RGS3: variants seen among roughly 807,000 people sequenced by gnomAD.
RGS3 encodes regulator of G-protein signalling 3.
In RGS3, 80 loss-of-function variants were observed where a neutral mutation model predicts 132.6. That is an observed-to-expected ratio of 0.60 (90% CI 0.50 to 0.73). The LOEUF is 0.73. Among genes scored for constraint, RGS3 ranks in the 30% least tolerant of loss-of-function variants. The pLI, the probability that RGS3 is intolerant of heterozygous loss-of-function variation, is 0.00. For synonymous variants in RGS3, 598 were observed against 620.6 expected, an observed-to-expected ratio of 0.96 and a Z score of 0.54; for missense variants, 1,382 against 1,530.8, an observed-to-expected ratio of 0.90 and a Z score of 1.62.
rs868039253 is a variant in RGS3 at position 113,565,909 on chromosome 9, G to A, written c.2038-17541G>A. On this transcript the variant is annotated intron_variant, in intron 19 of 24. Transcript: ENST00000350696. The surrounding 1 kb of genome is among the most constrained non-coding windows in gnomAD (Gnocchi z 5.7). ...TGTGTGTGTGTGTGTGTGTGTGTGTGTGTGTGTCTGTCTGTCTGTCTGTCT... is the reference window on the plus strand; with the variant it reads ...TGTGTGTGTGTGTGTGTGTGTGTGTATGTGTGTCTGTCTGTCTGTCTGTCT... Among the ~76,000 whole-genome samples the A allele has an allele frequency of 6.8e-6, 1 of 146,824 alleles. No individual in the cohort carries two copies. Among genetic ancestry groups the A allele is most frequent in the South Asian group, 2.2e-4 (1 of 4,610 alleles).
chr9:113,523,123 T>A (rs1393559150), intron 17 of RGS3, 82 bp downstream of exon 15: 1 of 911,376 alleles, frequency 1.1e-6, no homozygotes, highest in African/African-American at 1.6e-5. Context: ...GGGATCTGGC[T>A]GCCAGTCATC....
At chr9:113,485,714 G>A (rs56038206) in intron 7 of RGS3, 21 bp downstream of exon 5, 49,259 of 1,565,176 alleles carry the variant, frequency 0.031, 926 homozygotes, top group Non-Finnish European at 0.037. Flanking sequence ...CTGCTGAGCT[G>A]GAGGGGGACT....
chr9:113,491,514 G>A (rs1424490641), intron 7 of RGS3, among the ~76,000 whole-genome samples: 1 of 151,792 alleles, frequency 6.6e-6, no homozygotes, highest in African/African-American at 2.4e-5. Flanking sequence ...GCCTCCCAAA[G>A]TGCTGACATT....
At chr9:113,470,397 G>C (rs1161387498) in intron 3 of RGS3, among the ~76,000 whole-genome samples, 1 of 152,112 alleles carries the variant, frequency 6.6e-6, no homozygotes, top group East Asian at 1.9e-4. Context: ...TTGCAGTTCT[G>C]TCAGTTTTTC....
intron 18 of RGS3, among the ~76,000 whole-genome samples, chr9:113,531,779 G>C (rs1174248215): frequency 6.6e-6 from 1 of 152,104 alleles, no homozygotes; most frequent in Non-Finnish European, 1.5e-5. Context: ...TAACCTCTCT[G>C]AGCCTTAGTT....
At chr9:113,514,525 A>G (rs376727764) in exon 15 of RGS3, 1 of 1,614,228 alleles carries the variant, frequency 6.2e-7, no homozygotes. Flanking sequence ...TGATGAAGAC[A>G]GTGCAGACCA....
Position 113,506,011 on chromosome 9 carries a change from G to T in RGS3, c.980-377G>T, listed in dbSNP as rs1056993967. Among the ~76,000 whole-genome samples the T allele has an allele frequency of 2.0e-5, 3 of 152,178 alleles. No individual in the cohort carries two copies. Among genetic ancestry groups the T allele is most frequent in the Non-Finnish European group, 2.9e-5 (2 of 68,040 alleles). On this transcript the variant is annotated intron_variant, in intron 11 of 24. Coordinates refer to ENST00000350696, the Ensembl canonical transcript of RGS3. This position sits in a 1 kb window ranked among gnomAD's most constrained non-coding sequence, Gnocchi z 4.7. Reference sequence around the variant, plus strand: ...GTGCCTACACAAGGGTGGGCATGAGGTTCGTGCACAATGATTGGCAGAGAA... The same window carrying T: ...GTGCCTACACAAGGGTGGGCATGAGTTTCGTGCACAATGATTGGCAGAGAA...
chr9:113,512,234 A>C lies in RGS3; in HGVS notation c.1478-2224A>C, dbSNP rs573315923. ...CAACTCAAATTCAGTGATGATCTTG[A>C]GACTGAGGATGGTGCTTTAAACAAA... On this transcript the variant is annotated intron_variant, in intron 14 of 24. Transcript: ENST00000350696. Among the ~76,000 whole-genome samples the C allele has an allele frequency of 5.3e-5, 8 of 152,306 alleles. No individual in the cohort carries two copies. The South Asian group carries it at 6.2e-4, about 12-fold the overall frequency.
At chr9:113,558,520 C>G (rs1238657685) in intron 19 of RGS3, among the ~76,000 whole-genome samples, 1 of 151,896 alleles carries the variant, frequency 6.6e-6, no homozygotes, top group Non-Finnish European at 1.5e-5. Context: ...AAAAAAAAGT[C>G]TAGGTCAGGG....
At chr9:113,538,336 C>T (rs1832766217) in intron 19 of RGS3, among the ~76,000 whole-genome samples, 2 of 152,216 alleles carry the variant, frequency 1.3e-5, no homozygotes, top group Non-Finnish European at 2.9e-5. Context: ...TGCCCTGCCC[C>T]ACTGATCCTG....
intron 19 of RGS3, among the ~76,000 whole-genome samples, chr9:113,564,608 T>C (rs56276438): frequency 0.12 from 18,100 of 152,080 alleles, 1,272 homozygotes; most frequent in African/African-American, 0.19. Flanking sequence ...CAGTTCCTCC[T>C]TGGGGATGTC....
At chr9:113,547,804 A>G (rs193224596) in intron 19 of RGS3, among the ~76,000 whole-genome samples, 3 of 152,186 alleles carry the variant, frequency 2.0e-5, no homozygotes, top group African/African-American at 4.8e-5. Context: ...TTTAGTACCT[A>G]CCCACTTTTG....
rs1831144967 is a variant in RGS3 at position 113,506,605 on chromosome 9, C to G, written c.1085+112C>G. 3.0e-5 allele frequency: 21 copies of G among 690,402 alleles called. No homozygotes were observed. In the South Asian group the frequency reaches 3.5e-4, roughly 12 times the overall value. 42.8% of individuals were successfully genotyped at this position (690,402 alleles called of 1,614,324 possible). ...TCTTGCTGCTCCCTCTTTTGCCTAG[C>G]TGTGAGCAGGCAATTCCTTTTGCTC... On this transcript the variant is annotated intron_variant, in intron 12 of 24. Transcript: ENST00000350696. The surrounding 1 kb of genome is among the most constrained non-coding windows in gnomAD (Gnocchi z 4.7).
intron 19 of RGS3, among the ~76,000 whole-genome samples, chr9:113,553,026 T>A (rs995031169): frequency 4.6e-5 from 7 of 152,140 alleles, no homozygotes; most frequent in African/African-American, 1.7e-4. Flanking sequence ...TTCCAATCAA[T>A]AATTACTAAT....
At chr9:113,495,067 G>T (rs1358194597) in intron 7 of RGS3, among the ~76,000 whole-genome samples, 1 of 152,058 alleles carries the variant, frequency 6.6e-6, no homozygotes, top group Non-Finnish European at 1.5e-5. Context: ...TAGAGACAGG[G>T]TTTCACCATG....
At chr9:113,485,993 G>A (rs772133187) in intron 7 of RGS3, among the ~76,000 whole-genome samples, 4 of 152,192 alleles carry the variant, frequency 2.6e-5, no homozygotes, top group Admixed American at 6.5e-5. Flanking sequence ...CTGTTCACGT[G>A]GGGACACCAG....
intron 10 of RGS3, among the ~76,000 whole-genome samples, chr9:113,503,777 A>G (rs992080110): frequency 1.3e-5 from 2 of 152,098 alleles, no homozygotes; most frequent in African/African-American, 2.4e-5. Context: ...GAGGCCCCTA[A>G]AAAATCCCCG....
rs745775654 is a variant in RGS3, at chr9:113,514,430, C to T, written c.1478-28C>T. ...ACCTTTGCAGGAGTGACGGAAATGT[C>T]TCATAGTCCCCCATCTCTGTTTCAC... On this transcript the variant is annotated intron_variant, in intron 14 of 24. Transcript: ENST00000350696. 3 of 1,599,292 alleles carry T rather than the reference C, an allele frequency of 1.9e-6. No individual in the cohort carries two copies. The South Asian group carries it at 3.3e-5, about 18-fold the overall frequency.
intron 19 of RGS3, among the ~76,000 whole-genome samples, chr9:113,559,347 T>A (rs772768359): frequency 2.6e-4 from 40 of 152,210 alleles, no homozygotes; most frequent in Non-Finnish European, 2.5e-4. Context: ...GAGACAGTCA[T>A]GGCTCCCAGC....
Sources: allele counts gnomAD v4.1 joint callset (sites outside exome capture counted in the v4.1 genomes callset), GRCh38; gene constraint gnomAD v4.1.1; non-coding constraint Gnocchi (gnomAD v3.1); transcripts MANE v1.5; gene names NCBI Gene and HGNC (gene_info 2026-07-23, HGNC 2026-07-21).